STK4: variants seen among roughly 807,000 people sequenced by gnomAD.
STK4 encodes the protein serine/threonine-protein kinase 4.
In STK4, 30 loss-of-function variants were observed where a neutral mutation model predicts 64.9. The ratio of observed to expected loss-of-function variants is 0.46; its 90% CI spans 0.35 to 0.63. The LOEUF (loss-of-function observed/expected upper bound fraction) is 0.63, where lower values mean the gene tolerates loss of function less well. Among genes scored for constraint, STK4 ranks in the 20% least tolerant of loss-of-function variants. The pLI is 0.01. For synonymous variants in STK4, 177 were observed against 199.0 expected, an observed-to-expected ratio of 0.89 and a Z score of 0.93; for missense variants, 466 against 598.5, an observed-to-expected ratio of 0.78 and a Z score of 2.31.
At chr20:44,981,743 G>T in intron 3 of STK4, 86 bp from the exon 4 acceptor site, 1 of 762,110 alleles carries the variant, frequency 1.3e-6, no homozygotes, top group East Asian at 2.6e-5. Context: ...TTCCAGATGA[G>T]GAATTAATTT....
At chr20:45,030,287 G>A (rs553235757) in intron 10 of STK4, among the ~76,000 whole-genome samples, 11 of 152,148 alleles carry the variant, frequency 7.2e-5, no homozygotes, top group African/African-American at 2.7e-4. Flanking sequence ...TGTATTTTTA[G>A]TAGAGACAGG....
intron 10 of STK4, among the ~76,000 whole-genome samples, chr20:45,048,799 C>T (rs1254296329): frequency 2.0e-5 from 3 of 152,098 alleles, no homozygotes; most frequent in Admixed American, 1.3e-4. Flanking sequence ...TTATTTTATA[C>T]CTAAGATGAG....
chr20:44,997,339 A>G (rs2067752620), intron 7 of STK4, 33 bp downstream of exon 7: 1 of 1,552,390 alleles, frequency 6.4e-7, no homozygotes, highest in Non-Finnish European at 8.7e-7. Context: ...ATCTCGCTCC[A>G]TTTCATTTAC....
chr20:45,061,782 T>C (rs1464033713), intron 10 of STK4, among the ~76,000 whole-genome samples: 1 of 151,936 alleles, frequency 6.6e-6, no homozygotes, highest in Non-Finnish European at 1.5e-5. Flanking sequence ...CCTCAGTGTC[T>C]ATTGTTCACC....
intron 9 of STK4, among the ~76,000 whole-genome samples, chr20:45,004,856 C>A (rs1285579994): frequency 6.6e-6 from 1 of 151,350 alleles, no homozygotes; most frequent in African/African-American, 2.4e-5. Flanking sequence ...GCAACCTCCG[C>A]CTCCCAGGTT....
At chr20:44,982,106 C>T (rs959894049) in intron 4 of STK4, among the ~76,000 whole-genome samples, 163 bp downstream of exon 4, 2 of 135,162 alleles carry the variant, frequency 1.5e-5, no homozygotes, top group African/African-American at 2.8e-5. Context: ...CTAAGTGTGA[C>T]AGCTTTTTTT....
chr20:45,045,312 C>T (rs2145426520), intron 10 of STK4, among the ~76,000 whole-genome samples: 2 of 152,316 alleles, frequency 1.3e-5, no homozygotes, highest in Middle Eastern at 6.8e-3. Context: ...GTTTGAGGAA[C>T]TGGAGCCCAG....
intron 10 of STK4, among the ~76,000 whole-genome samples, chr20:45,045,144 T>TCTGGTATGA (rs1386230509): frequency 2.0e-5 from 3 of 152,242 alleles, no homozygotes; most frequent in Admixed American, 6.5e-5. Flanking sequence ...AGCCTGGATT[T>TCTGGTATGA]CTGGTATGAC....
chr20:45,061,872 C>CTTTTTTTTTTTTTTTTTTT (rs71197598), intron 10 of STK4, among the ~76,000 whole-genome samples: 4 of 115,114 alleles, frequency 3.5e-5, no homozygotes, highest in African/African-American at 3.3e-5. Flanking sequence ...TCTTCTTCTT[C>CTTTTTTTTTTTTTTTTTTT]TTTTTTTTTT....
At chr20:44,987,002 C>T in intron 4 of STK4, 130 bp from the exon 5 acceptor site, 1 of 665,218 alleles carries the variant, frequency 1.5e-6, no homozygotes, top group Non-Finnish European at 2.5e-6. Flanking sequence ...ATGGTATAAG[C>T]AGTCAAATGC....
At chr20:45,037,479 TTG>T (rs1458832060) in intron 10 of STK4, among the ~76,000 whole-genome samples, 2 of 152,136 alleles carry the variant, frequency 1.3e-5, no homozygotes, top group Non-Finnish European at 2.9e-5. Context: ...CCATCTGACG[TTG>T]TGTGATAATG....
chr20:44,987,543 TTACTC>T (rs1427358535), intron 5 of STK4, among the ~76,000 whole-genome samples: 1 of 152,156 alleles, frequency 6.6e-6, no homozygotes, highest in Non-Finnish European at 1.5e-5. Flanking sequence ...AAATGATAGA[TTACTC>T]TAGTGCACTA....
At chr20:45,043,609 G>A (rs2068647342) in intron 10 of STK4, among the ~76,000 whole-genome samples, 1 of 152,212 alleles carries the variant, frequency 6.6e-6, no homozygotes, top group South Asian at 2.1e-4. Flanking sequence ...TACAGATTGA[G>A]TATCCCAAAC....
At chr20:44,988,172 TAGTC>T (rs1452434728) in intron 5 of STK4, among the ~76,000 whole-genome samples, 1 of 151,992 alleles carries the variant, frequency 6.6e-6, no homozygotes, top group Non-Finnish European at 1.5e-5. Flanking sequence ...ACCACAGTCT[TAGTC>T]AGGAAACCAA....
At chr20:44,992,267 A>ATT (rs35534980) in intron 5 of STK4, among the ~76,000 whole-genome samples, 7 of 148,090 alleles carry the variant, frequency 4.7e-5, no homozygotes, top group Admixed American at 1.3e-4. Context: ...ATTTTATTTT[A>ATT]TTTTTTTTTG....
chr20:45,001,083 T>G, intron 8 of STK4, 84 bp from the exon 9 acceptor site: 1 of 1,403,834 alleles, frequency 7.1e-7, no homozygotes. Context: ...TCGAAATATT[T>G]TCACTAAGAC....
chr20:44,993,798 G>A lies in STK4; in HGVS notation c.526-1292G>A, dbSNP rs182625626. 4.4e-3 allele frequency among the ~76,000 whole-genome samples: 675 copies of A among 152,286 alleles called. 4 individuals carry two copies. Among genetic ancestry groups the A allele is most frequent in the African/African-American group, 0.016 (654 of 41,554 alleles). On this transcript the variant is annotated intron_variant, in intron 5 of 10. Transcript: ENST00000372806. ...GTTTGAGACCAGCCTGGCCAATGTGGCGAGACCTTGTCTCTACTAAAAATA... is the reference window on the plus strand; with the variant it reads ...GTTTGAGACCAGCCTGGCCAATGTGACGAGACCTTGTCTCTACTAAAAATA...
Position 44,997,201 on chromosome 20 carries a change from C to T in STK4, c.726C>T (p.Pro242=), listed in dbSNP as rs755070231. 6.2e-7 allele frequency: 1 copy of T among 1,614,018 alleles called. No homozygotes were observed. Among genetic ancestry groups the T allele is most frequent in the Admixed American group, 1.7e-5 (1 of 60,010 alleles). The part of the protein sequence containing the change: ...AIFMIPTNPP[P]TFRKPELWSD... ...TCATGATTCCTACAAATCCTCCTCC[C>T]ACATTCCGAAAACCAGAGCTATGGT... Residue 242 remains proline (P), a synonymous_variant, in exon 7 of 11, where the codon CCC becomes CCT. Transcript: ENST00000372806.
At position 45,078,811 on chromosome 20, in the gene STK4, T is replaced by C. The variant is rs1030662282; in HGVS notation, c.*3635T>C. 1 of 152,352 alleles carries C rather than the reference T, an allele frequency of 6.6e-6. No homozygotes were observed. Among genetic ancestry groups the C allele is most frequent in the Non-Finnish European group, 1.5e-5 (1 of 68,014 alleles). The allele number at this position is 152,352 out of a possible 1,614,324, so 9.4% of individuals were successfully genotyped here. Reference sequence around the variant, plus strand: ...TTTAGCACCTGCCAGATGCCAGAAATTTATACCATTTAAAACTCAGTAAGT... The same window carrying C: ...TTTAGCACCTGCCAGATGCCAGAAACTTATACCATTTAAAACTCAGTAAGT... On this transcript the variant is annotated 3_prime_UTR_variant, in exon 11 of 11. Transcript: ENST00000372806.
Sources: gnomAD v4.1 joint callset for allele counts (sites outside exome capture counted in the v4.1 genomes callset) on GRCh38, gnomAD v4.1.1 for gene constraint, MANE v1.5 for transcripts, NCBI Gene and HGNC (gene_info 2026-07-23, HGNC 2026-07-21) for gene names.